SNCAIP: variants seen among roughly 807,000 people sequenced by gnomAD.
The protein encoded by SNCAIP is synuclein alpha interacting protein.
A neutral mutation model predicts 86.7 loss-of-function variants in SNCAIP; 43 were observed. That is an observed-to-expected ratio of 0.50 (90% confidence interval 0.39 to 0.64). The LOEUF (loss-of-function observed/expected upper bound fraction) is 0.64. Ranked by LOEUF, SNCAIP falls within the 30% of genes least tolerant of loss-of-function variation. The pLI is 0.00. For synonymous variants in SNCAIP, 417 were observed against 427.2 expected (o/e 0.98, Z 0.29); for missense variants, 981 against 1,103.1 (o/e 0.89, Z 1.57).
intron 1 of SNCAIP, among the ~76,000 whole-genome samples, chr5:122,353,220 G>A (rs1190605527): frequency 1.3e-5 from 2 of 152,018 alleles, no homozygotes; most frequent in East Asian, 1.9e-4. Flanking sequence ...CAGCACAAGT[G>A]TACATACCAT....
intron 1 of SNCAIP, among the ~76,000 whole-genome samples, chr5:122,316,263 G>T (rs1251473673): frequency 6.6e-6 from 1 of 152,178 alleles, no homozygotes; most frequent in African/African-American, 2.4e-5. Context: ...CTCTCAGGAT[G>T]GAAGGTCTAC....
chr5:122,385,181 G>A (rs909948550), intron 1 of SNCAIP, among the ~76,000 whole-genome samples: 40 of 152,168 alleles, frequency 2.6e-4, no homozygotes, highest in Admixed American at 2.6e-3. Context: ...TATTGTAATA[G>A]CATGCCTTCT....
chr5:122,361,977 A>G (rs1431911309), intron 1 of SNCAIP, among the ~76,000 whole-genome samples: 2 of 152,244 alleles, frequency 1.3e-5, no homozygotes, highest in Non-Finnish European at 2.9e-5. Flanking sequence ...AAGAAAACAG[A>G]AAGAAATATA....
At chr5:122,370,026 A>C (rs1561598569) in intron 1 of SNCAIP, 3 of 152,180 alleles carry the variant, frequency 2.0e-5, no homozygotes, top group Non-Finnish European at 4.4e-5. Context: ...CTGGAGATTA[A>C]AAATAGAATG....
chr5:122,337,211 C>T (rs1023484066), intron 1 of SNCAIP, among the ~76,000 whole-genome samples: 5 of 152,066 alleles, frequency 3.3e-5, no homozygotes, highest in African/African-American at 1.2e-4. Context: ...GTCAACCTTT[C>T]AATGATCCTA....
chr5:122,409,507 G>A (rs146004648), intron 3 of SNCAIP, among the ~76,000 whole-genome samples: 1,715 of 152,250 alleles, frequency 0.011, 25 homozygotes, highest in African/African-American at 0.038. Context: ...AAATGACCCT[G>A]TAATGTGTCT....
intron 1 of SNCAIP, among the ~76,000 whole-genome samples, chr5:122,388,155 A>C (rs567381761): frequency 5.3e-5 from 8 of 152,234 alleles, no homozygotes; most frequent in African/African-American, 1.9e-4. Flanking sequence ...AGTTGTTGCC[A>C]TGGGGACTGC....
intron 1 of SNCAIP, among the ~76,000 whole-genome samples, chr5:122,324,512 T>C (rs967129766): frequency 1.3e-5 from 2 of 152,270 alleles, no homozygotes; most frequent in Non-Finnish European, 2.9e-5. Flanking sequence ...TCAGTATATG[T>C]CTGTGGAATA....
At chr5:122,359,349 T>TTTTTTTTATTTATTTATTTATTTATTTA (rs372903978) in intron 1 of SNCAIP, among the ~76,000 whole-genome samples, 2 of 142,182 alleles carry the variant, frequency 1.4e-5, no homozygotes, top group Admixed American at 1.4e-4. Context: ...AGATTTTTAT[T>TTTTTTTTATTTATTTATTTATTTATTTA]TTTATTTATT....
chr5:122,389,573 A>G (rs923602780), intron 1 of SNCAIP: 1 of 152,250 alleles, frequency 6.6e-6, no homozygotes, highest in African/African-American at 2.4e-5. Context: ...TGACATTTTT[A>G]TACCAAGCAA....
chr5:122,321,354 C>T (rs1467912673), intron 1 of SNCAIP: 1 of 152,004 alleles, frequency 6.6e-6, no homozygotes, highest in African/African-American at 2.4e-5. Context: ...CCAATGTGGC[C>T]ACAGGTGGCT....
Position 122,463,612 on chromosome 5 carries a change from G to A in SNCAIP, c.*116G>A, listed in dbSNP as rs1222959207. On this transcript the variant is annotated 3_prime_UTR_variant, in exon 11 of 11. Coordinates refer to ENST00000261368, the MANE Select transcript of SNCAIP (RefSeq NM_005460.4). ...AATTTTCTCTCACTGATGCCCTTTG[G>A]AAATTATTGGAAATTTCTGGACTAT... 9.3e-7 allele frequency: 1 copy of A among 1,069,788 alleles called. No individual in the cohort carries two copies. Among genetic ancestry groups the A allele is most frequent in the East Asian group, 2.4e-5 (1 of 41,472 alleles). 66.3% of individuals were successfully genotyped at this position (1,069,788 alleles called of 1,614,324 possible).
At chr5:122,325,136 G>C (rs965797636) in intron 1 of SNCAIP, among the ~76,000 whole-genome samples, 7 of 151,982 alleles carry the variant, frequency 4.6e-5, no homozygotes, top group Admixed American at 4.6e-4. Context: ...AGGCAAGTTT[G>C]GGACACTTGG....
In SNCAIP at chr5:122,422,937, C is replaced by T; in HGVS notation, c.200C>T (p.Ala67Val). 2.5e-6 allele frequency: 4 copies of T among 1,614,164 alleles called. No homozygotes were observed. The highest frequency in any genetic ancestry group is 3.4e-6 in the Non-Finnish European group (4 of 1,179,974). Reference sequence around the variant, plus strand: ...AACACGCAAAAGCCCACAGGAATCGCTGATGTGTACAGTAAGTTCCGCCCA... The same window carrying T: ...AACACGCAAAAGCCCACAGGAATCGTTGATGTGTACAGTAAGTTCCGCCCA... Reference protein sequence around the residue: ...ITNTQKPTGIADVYSKFRPVK... With the variant: ...ITNTQKPTGIVDVYSKFRPVK... The change falls in exon 4 of 11, where the codon GCT (alanine) becomes GTT (valine). Residue 67 changes from alanine to valine, a missense_variant. Physicochemically the swap from Ala to Val is moderately conservative, Grantham distance 64 (BLOSUM62 0). Transcript: ENST00000261368.
chr5:122,373,853 G>C (rs914334522), intron 1 of SNCAIP, among the ~76,000 whole-genome samples: 3 of 152,160 alleles, frequency 2.0e-5, no homozygotes, highest in African/African-American at 4.8e-5. Flanking sequence ...CACCCCTTGG[G>C]TGTAAATCCA....
At chr5:122,372,765 G>A (rs540443357) in intron 1 of SNCAIP, among the ~76,000 whole-genome samples, 2 of 152,100 alleles carry the variant, frequency 1.3e-5, no homozygotes, top group South Asian at 4.2e-4. Flanking sequence ...TAATCCCCAT[G>A]TTTATAAAGA....
At chr5:122,447,885 C>T (rs1782671044) in intron 8 of SNCAIP, among the ~76,000 whole-genome samples, 1 of 152,050 alleles carries the variant, frequency 6.6e-6, no homozygotes, top group African/African-American at 2.4e-5. Context: ...ACTATTTGGC[C>T]CTTTAAGAAA....
intron 3 of SNCAIP, among the ~76,000 whole-genome samples, chr5:122,409,660 C>T (rs755497794): frequency 4.6e-5 from 7 of 152,168 alleles, no homozygotes; most frequent in East Asian, 1.9e-4. Flanking sequence ...ATTGCAAATT[C>T]GCTATATTTT....
At position 122,328,588 on chromosome 5, in the gene SNCAIP, T is replaced by A. The variant is rs547122738; in HGVS notation, c.-47+16304T>A. ...CCCATTTCTTGTAGTATCTTTTTTT[T>A]GGATTGTCATTATTTTCTCTTTCAA... On this transcript the variant is annotated intron_variant, in intron 1 of 10. Coordinates refer to ENST00000261368, the MANE Select transcript of SNCAIP (RefSeq NM_005460.4). Among the ~76,000 whole-genome samples, 7 of 152,364 alleles carry A rather than the reference T, an allele frequency of 4.6e-5. 1 individual carries two copies. Among genetic ancestry groups the A allele is most frequent in the African/African-American group, 1.4e-4 (6 of 41,592 alleles).
Sources: allele counts gnomAD v4.1 joint callset (sites outside exome capture counted in the v4.1 genomes callset), GRCh38; gene constraint gnomAD v4.1.1; transcripts MANE v1.5; gene names NCBI Gene and HGNC (gene_info 2026-07-23, HGNC 2026-07-21).